The following WWOX variants were observed in gnomAD, a reference collection of about 807,000 sequenced individuals.
WWOX encodes WW domain-containing oxidoreductase.
Under a neutral mutation model 46.2 loss-of-function variants are expected in WWOX, and 69 were observed. The ratio of observed to expected loss-of-function variants is 1.49; its 90% CI spans 1.23 to 1.82. WWOX has a LOEUF of 1.82. Ranked by LOEUF, WWOX falls within the 40% of genes most tolerant of loss-of-function variation. The pLI is 0.00. For missense variants in WWOX, 919 were observed against 542.6 expected (o/e 1.69, Z -6.89); for synonymous variants, 359 against 202.6 (o/e 1.77, Z -6.56).
intron 8 of WWOX, among the ~76,000 whole-genome samples, chr16:78,548,169 A>ATTC (rs1213752040): frequency 2.7e-5 from 2 of 73,534 alleles, no homozygotes; most frequent in South Asian, 3.9e-4. Flanking sequence ...AAAAAAAAAA[A>ATTC]AAAAAAAAAT....
At chr16:78,305,556 C>T (rs11647486) in intron 5 of WWOX, among the ~76,000 whole-genome samples, 10,239 of 152,062 alleles carry the variant, frequency 0.067, 966 homozygotes, top group African/African-American at 0.21. Flanking sequence ...ATTAAAAAGC[C>T]CCAGACCATT....
At chr16:78,863,081 C>A (rs1236974871) in intron 8 of WWOX, among the ~76,000 whole-genome samples, 2 of 151,570 alleles carry the variant, frequency 1.3e-5, no homozygotes. Flanking sequence ...GCCTCAGCCT[C>A]CCAAGTAGGT....
intron 8 of WWOX, among the ~76,000 whole-genome samples, chr16:79,023,538 C>G (rs931519696): frequency 1.3e-5 from 2 of 152,144 alleles, no homozygotes; most frequent in Non-Finnish European, 2.9e-5. Flanking sequence ...CCTTTAAGGT[C>G]TGAAGAGGAC....
At chr16:78,211,593 T>C (rs193012314) in intron 5 of WWOX, among the ~76,000 whole-genome samples, 4 of 152,212 alleles carry the variant, frequency 2.6e-5, no homozygotes, top group East Asian at 1.9e-4. Context: ...CAAGACTACA[T>C]TGATGTCTTG....
intron 8 of WWOX, among the ~76,000 whole-genome samples, chr16:78,820,456 T>C (rs538591565): frequency 1.3e-5 from 2 of 152,158 alleles, no homozygotes; most frequent in South Asian, 2.1e-4. Context: ...TAAAAATCTT[T>C]CTTACTGATG....
At chr16:78,746,530 T>G (rs894613359) in intron 8 of WWOX, among the ~76,000 whole-genome samples, 2 of 152,138 alleles carry the variant, frequency 1.3e-5, no homozygotes, top group African/African-American at 4.8e-5. Context: ...ATCAGCACCC[T>G]TGCCATGGCC....
At chr16:79,153,435 G>A (rs189750195) in intron 8 of WWOX, among the ~76,000 whole-genome samples, 15 of 152,286 alleles carry the variant, frequency 9.8e-5, no homozygotes, top group African/African-American at 3.6e-4. Flanking sequence ...AGCCACTGGT[G>A]TGTGGGGTCA....
At chr16:78,790,103 T>G (rs999437473) in intron 8 of WWOX, among the ~76,000 whole-genome samples, 1 of 152,102 alleles carries the variant, frequency 6.6e-6, no homozygotes, top group African/African-American at 2.4e-5. Context: ...TAAAATCGAG[T>G]ACTGTTATTG....
intron 8 of WWOX, among the ~76,000 whole-genome samples, chr16:79,140,706 C>G (rs2050072674): frequency 6.6e-6 from 1 of 152,214 alleles, no homozygotes; most frequent in Non-Finnish European, 1.5e-5. Context: ...ACATCTCATT[C>G]ACACAAAATG....
At chr16:78,671,540 C>G (rs564867316) in intron 8 of WWOX, among the ~76,000 whole-genome samples, 50 of 152,224 alleles carry the variant, frequency 3.3e-4, no homozygotes, top group African/African-American at 1.0e-3. Context: ...GTACAACAAC[C>G]CTGCCCCTTC....
intron 4 of WWOX, among the ~76,000 whole-genome samples, chr16:78,127,082 C>T (rs868779789): frequency 1.3e-5 from 2 of 152,142 alleles, no homozygotes; most frequent in African/African-American, 4.8e-5. Flanking sequence ...TGGAAGCAGA[C>T]GTGACCTAGT....
intron 8 of WWOX, among the ~76,000 whole-genome samples, chr16:78,640,746 C>T (rs2046687261): frequency 6.6e-6 from 1 of 151,968 alleles, no homozygotes; most frequent in African/African-American, 2.4e-5. Flanking sequence ...GAATACCAGC[C>T]TGGGCAACAC....
At chr16:78,825,661 G>C in intron 8 of WWOX, 4 of 527,418 alleles carry the variant, frequency 7.6e-6, no homozygotes, top group South Asian at 4.9e-5. Flanking sequence ...ATCATGAATA[G>C]GGGGGCCATA....
intron 8 of WWOX, among the ~76,000 whole-genome samples, chr16:78,809,120 T>C (rs917274844): frequency 3.3e-5 from 5 of 152,164 alleles, no homozygotes; most frequent in Middle Eastern, 3.4e-3. Flanking sequence ...GCTGTTTCTG[T>C]CTGTTCTCCC....
intron 8 of WWOX, among the ~76,000 whole-genome samples, chr16:78,997,152 A>G (rs1207782580): frequency 1.3e-5 from 2 of 151,000 alleles, no homozygotes; most frequent in South Asian, 2.1e-4. Context: ...GTGCCTGGTG[A>G]GGGGGGTGCT....
chr16:78,707,007 A>G (rs1312397402), intron 8 of WWOX, among the ~76,000 whole-genome samples: 2 of 152,170 alleles, frequency 1.3e-5, no homozygotes, highest in Non-Finnish European at 2.9e-5. Flanking sequence ...TAGTAGGCCT[A>G]AGGAGACCAT....
chr16:78,722,322 C>G (rs1287971214), intron 8 of WWOX, among the ~76,000 whole-genome samples: 1 of 152,158 alleles, frequency 6.6e-6, no homozygotes, highest in African/African-American at 2.4e-5. Flanking sequence ...ACTCAAGGCT[C>G]TTGGTCTCAG....
At chr16:78,736,474 A>G (rs537642303) in intron 8 of WWOX, among the ~76,000 whole-genome samples, 97 of 152,260 alleles carry the variant, frequency 6.4e-4, no homozygotes, top group African/African-American at 2.3e-3. Context: ...TCTCCTGACC[A>G]CCGTTGGTGT....
chr16:78,651,077 T>C (rs2738599), intron 8 of WWOX, among the ~76,000 whole-genome samples: 1 of 152,250 alleles, frequency 6.6e-6, no homozygotes, highest in Non-Finnish European at 1.5e-5. Context: ...TCAACTGTTG[T>C]ATTCACGAGG....
Sources: gnomAD v4.1 joint callset for allele counts (sites outside exome capture counted in the v4.1 genomes callset) on GRCh38, gnomAD v4.1.1 for gene constraint, MANE v1.5 for transcripts, NCBI Gene and HGNC (gene_info 2026-07-23, HGNC 2026-07-21) for gene names.